Variants in SPATA22 observed in about 807,000 individuals in gnomAD.
SPATA22 encodes spermatogenesis-associated protein 22.
In SPATA22, 29 loss-of-function variants were observed where a neutral mutation model predicts 47.8. The observed-to-expected ratio is 0.61, with a 90% CI of 0.45 to 0.83. SPATA22 has a LOEUF of 0.83. SPATA22 is among the 40% of genes least tolerant of loss of function. The probability of loss-of-function intolerance (pLI) is 0.00; values close to 1 mark genes in which losing one functional copy is unlikely to be tolerated. For synonymous variants in SPATA22, 133 were observed against 140.9 expected, an observed-to-expected ratio of 0.94 and a Z score of 0.40; for missense variants, 410 against 421.7, an observed-to-expected ratio of 0.97 and a Z score of 0.24.
chr17:3,481,936 G>A (rs944570335), intron 1 of SPATA22: 1 of 811,568 alleles, frequency 1.2e-6, no homozygotes, highest in Non-Finnish European at 1.9e-6. Context: ...AGGCTTGGTG[G>A]TTGGGGGGAA....
At chr17:3,471,647 G>A in intron 1 of SPATA22, 35 bp downstream of exon 1, 1 of 985,104 alleles carries the variant, frequency 1.0e-6, no homozygotes, top group Non-Finnish European at 1.2e-6. Flanking sequence ...CTCCTGACCC[G>A]CCCACGGAGT....
chr17:3,459,093 C>T (rs929461847), intron 5 of SPATA22, among the ~76,000 whole-genome samples: 5 of 138,050 alleles, frequency 3.6e-5, no homozygotes, highest in Non-Finnish European at 7.8e-5. Context: ...AGAAGCAGAG[C>T]GTAGAATAGT....
chr17:3,480,287 G>A (rs987090196), intron 1 of SPATA22, among the ~76,000 whole-genome samples: 1 of 152,262 alleles, frequency 6.6e-6, no homozygotes, highest in Non-Finnish European at 1.5e-5. Context: ...TTCACACAGA[G>A]CCGGCTGTAC....
At chr17:3,496,923 G>A (rs1327282347) in intron 1 of SPATA22, among the ~76,000 whole-genome samples, 8 of 152,138 alleles carry the variant, frequency 5.3e-5, no homozygotes, top group South Asian at 2.1e-4. Flanking sequence ...AAAATTAGCC[G>A]GGCATGGTGG....
upstream of SPATA22, among the ~76,000 whole-genome samples, chr17:3,473,879 T>A (rs1328369954): frequency 1.3e-5 from 2 of 152,244 alleles, no homozygotes; most frequent in African/African-American, 4.8e-5. Flanking sequence ...GAAGTTATGC[T>A]TACTCTTTTA....
intron 1 of SPATA22, chr17:3,502,046 A>G (rs1332127628): frequency 1.3e-5 from 2 of 152,220 alleles, no homozygotes; most frequent in African/African-American, 4.8e-5. Context: ...CGAAAGGAAG[A>G]GTCAATCAAT....
chr17:3,491,372 G>A (rs748920963), intron 1 of SPATA22, among the ~76,000 whole-genome samples: 2 of 152,068 alleles, frequency 1.3e-5, no homozygotes, highest in Non-Finnish European at 2.9e-5. Flanking sequence ...TTCTGAGTCC[G>A]TAATCCAGGA....
chr17:3,463,585 G>A (rs1053165552), intron 3 of SPATA22, among the ~76,000 whole-genome samples: 4 of 152,118 alleles, frequency 2.6e-5, no homozygotes, highest in Non-Finnish European at 4.4e-5. Flanking sequence ...TAAGTGGTGA[G>A]TGAATACGAA....
chr17:3,443,682 G>A (rs1453225603), intron 7 of SPATA22, among the ~76,000 whole-genome samples: 3 of 151,902 alleles, frequency 2.0e-5, no homozygotes, highest in Admixed American at 6.6e-5. Flanking sequence ...ATGCATTCAG[G>A]TCCCAGGTAC....
intron 1 of SPATA22, among the ~76,000 whole-genome samples, chr17:3,493,633 T>A (rs2073862618): frequency 6.8e-6 from 1 of 147,638 alleles, no homozygotes; most frequent in African/African-American, 2.5e-5. Flanking sequence ...CTGGAACTCC[T>A]CCTGAAAATA....
intron 1 of SPATA22, among the ~76,000 whole-genome samples, chr17:3,482,810 T>C (rs2073654277): frequency 7.4e-6 from 1 of 135,542 alleles, no homozygotes; most frequent in Non-Finnish European, 1.8e-5. Context: ...ACTATTATAC[T>C]TTAAGTTTTA....
chr17:3,464,193 G>A (rs1441955264), intron 3 of SPATA22, among the ~76,000 whole-genome samples: 5 of 152,108 alleles, frequency 3.3e-5, no homozygotes, highest in Non-Finnish European at 7.4e-5. Flanking sequence ...TGTTGGCCGG[G>A]CTGGTCTCCA....
At chr17:3,486,980 T>A (rs1402647678) in intron 1 of SPATA22, among the ~76,000 whole-genome samples, 2 of 152,172 alleles carry the variant, frequency 1.3e-5, no homozygotes, top group Non-Finnish European at 2.9e-5. Flanking sequence ...AAGTCTCAAA[T>A]GAGACCACGG....
In SPATA22 at chr17:3,446,390, T is replaced by C. The variant is rs1165521125; in HGVS notation, c.802+82A>G. The C allele has an allele frequency of 6.5e-6, 9 of 1,394,306 alleles. No homozygotes were observed. The East Asian group carries it at 9.9e-5, about 15-fold the overall frequency. The allele number at this position is 1,394,306 out of a possible 1,614,324, so 86.4% of individuals were successfully genotyped here. A position where few individuals can be genotyped will look rare whatever the true frequency, so the allele number is the denominator to read the frequency against. ...AGTAGCAAAAAGCAGACTGTTTTATTTGGAAGAAAAAGGACTAATCAGACA... is the reference window on the plus strand; with the variant it reads ...AGTAGCAAAAAGCAGACTGTTTTATCTGGAAGAAAAAGGACTAATCAGACA... On this transcript the variant is annotated intron_variant, in intron 7 of 8. Transcript: ENST00000572969.
intron 1 of SPATA22, among the ~76,000 whole-genome samples, chr17:3,504,732 T>A (rs937217759): frequency 2.0e-5 from 3 of 151,932 alleles, no homozygotes; most frequent in African/African-American, 4.8e-5. Flanking sequence ...TAATTTTGTA[T>A]TTTTTTAGTA....
At chr17:3,471,035 A>G (rs12947767) in intron 1 of SPATA22, among the ~76,000 whole-genome samples, 65,034 of 151,342 alleles carry the variant, frequency 0.43, 14,118 homozygotes, top group East Asian at 0.58. Context: ...CGTGCCTGTA[A>G]TCCCAGCTAC....
exon 1 of SPATA22, chr17:3,513,790 G>C: frequency 1.3e-6 from 1 of 753,364 alleles, no homozygotes; most frequent in Non-Finnish European, 2.3e-6. Flanking sequence ...CTGAGCACGA[G>C]GGTGCACTCT....
chr17:3,498,106 G>T (rs191893869), intron 1 of SPATA22, among the ~76,000 whole-genome samples: 3 of 152,024 alleles, frequency 2.0e-5, no homozygotes, highest in Non-Finnish European at 2.9e-5. Context: ...ACCAATCCCC[G>T]TCAGAATAGA....
intron 1 of SPATA22, among the ~76,000 whole-genome samples, chr17:3,505,878 C>T (rs1285618950): frequency 6.6e-6 from 1 of 151,900 alleles, no homozygotes; most frequent in African/African-American, 2.4e-5. Context: ...GTGCCTCAGC[C>T]TCCTGGGTAG....
Sources: allele counts gnomAD v4.1 joint callset (sites outside exome capture counted in the v4.1 genomes callset), GRCh38; gene constraint gnomAD v4.1.1; transcripts MANE v1.5; gene names NCBI Gene and HGNC (gene_info 2026-07-23, HGNC 2026-07-21).